Variants in TMED6 observed in about 807,000 individuals in gnomAD.
The protein encoded by TMED6 is transmembrane emp24 domain-containing protein 6.
Under a neutral mutation model 26.5 loss-of-function variants are expected in TMED6, and 17 were observed. The ratio of observed to expected loss-of-function variants is 0.64; its 90% CI spans 0.44 to 0.96. TMED6 has a LOEUF of 0.96. TMED6 is among the 40% of genes least tolerant of loss of function. The pLI is 0.00. For synonymous variants in TMED6, 107 were observed against 106.2 expected (o/e 1.01, Z -0.04); for missense variants, 309 against 296.5 (o/e 1.04, Z -0.31).
At chr16:69,350,896 T>C (rs958391108) in intron 1 of TMED6, among the ~76,000 whole-genome samples, 2 of 152,188 alleles carry the variant, frequency 1.3e-5, no homozygotes, top group Non-Finnish European at 2.9e-5. Context: ...AGTTAACCGA[T>C]TTCTAAGATA....
intron 3 of TMED6, among the ~76,000 whole-genome samples, chr16:69,346,604 A>G (rs1431176934): frequency 6.6e-6 from 1 of 152,112 alleles, no homozygotes; most frequent in Non-Finnish European, 1.5e-5. Context: ...TCTCTACTAA[A>G]AATGCAAAAA....
chr16:69,348,581 G>A (rs1249941290), intron 2 of TMED6, among the ~76,000 whole-genome samples: 1 of 151,990 alleles, frequency 6.6e-6, no homozygotes, highest in Admixed American at 6.6e-5. Flanking sequence ...CAAAATGATT[G>A]GAAGGCACTA....
rs2012773622 is a variant in TMED6, at chr16:69,351,416, A to T, written c.213+125T>A. On this transcript the variant is annotated intron_variant, in intron 1 of 3. Coordinates refer to ENST00000288025, the MANE Select transcript of TMED6 (RefSeq NM_144676.4). Reference sequence around the variant, plus strand: ...TTCCCTCTAACTGCAGGTCCATTTCATTAACAGGTGGGGAATCACAGCATA... The same window carrying T: ...TTCCCTCTAACTGCAGGTCCATTTCTTTAACAGGTGGGGAATCACAGCATA... 3.5e-6 allele frequency: 3 copies of T among 846,756 alleles called. No homozygotes were observed. In the South Asian group the frequency reaches 5.2e-5, roughly 15 times the overall value. The allele number at this position is 846,756 out of a possible 1,614,324, so 52.5% of individuals were successfully genotyped here.
intron 3 of TMED6, among the ~76,000 whole-genome samples, chr16:69,346,471 A>C (rs1279583438): frequency 2.0e-5 from 3 of 152,198 alleles, no homozygotes; most frequent in African/African-American, 7.2e-5. Flanking sequence ...TAAATTAAAG[A>C]AGCCAGTCTT....
rs372075261 is a variant in TMED6 at position 69,351,536 on chromosome 16, C to T, written c.213+5G>A. On this transcript the variant is annotated splice_donor_5th_base_variant and intron_variant, in intron 1 of 3. Coordinates refer to ENST00000288025, the MANE Select transcript of TMED6 (RefSeq NM_144676.4). The stretch of plus-strand genomic sequence containing the variant: ...GCCCCCCAGTATGGCCAGTCACCCA[C>T]ATACCTCGTAACTGAAATAGAAGTA... 414 of 1,613,890 alleles carry T rather than the reference C, an allele frequency of 2.6e-4. No individual in the cohort carries two copies. Among genetic ancestry groups the T allele is most frequent in the Non-Finnish European group, 3.1e-4 (367 of 1,179,830 alleles).
chr16:69,346,473 G>A (rs187085153), intron 3 of TMED6, among the ~76,000 whole-genome samples: 1 of 152,270 alleles, frequency 6.6e-6, no homozygotes, highest in East Asian at 1.9e-4. Context: ...AATTAAAGAA[G>A]CCAGTCTTGG....
At chr16:69,348,015 T>C in intron 2 of TMED6, 79 bp from the exon 3 acceptor site, 3 of 1,491,846 alleles carry the variant, frequency 2.0e-6, no homozygotes, top group Non-Finnish European at 2.7e-6. Flanking sequence ...ATCTGTCCTC[T>C]AGTTTTGGAA....
intron 2 of TMED6, chr16:69,348,180 C>T (rs979716405): frequency 8.3e-6 from 3 of 361,062 alleles, no homozygotes; most frequent in African/African-American, 4.1e-5. Context: ...TAGTGGCAAA[C>T]AATGTTTTCT....
chr16:69,349,635 C>G lies in TMED6; in HGVS notation c.230G>C (p.Gly77Ala). The G allele has an allele frequency of 1.2e-6, 2 of 1,613,730 alleles. No homozygotes were observed. The highest frequency in any genetic ancestry group is 1.7e-6 in the Non-Finnish European group (2 of 1,179,782). ...YFSYEVQRTVGMSHDRHVAAT... is the reference protein window; with the variant it reads ...YFSYEVQRTVAMSHDRHVAAT... ...AGCAACATGCCGGTCATGTGACATC[C>G]CCACTGTCCGCTGAACCTGCCAAGA... is the stretch of plus-strand genomic sequence containing the variant. Residue 77 changes from glycine (G) to alanine (A), a missense_variant, in exon 2 of 4, where the codon GGG becomes GCG. Gly to Ala is a moderately conservative substitution (Grantham distance 60). Coordinates refer to ENST00000288025, the MANE Select transcript of TMED6 (RefSeq NM_144676.4).
chr16:69,351,207 A>G (rs1452500176), intron 1 of TMED6, among the ~76,000 whole-genome samples: 1 of 152,090 alleles, frequency 6.6e-6, no homozygotes, highest in Non-Finnish European at 1.5e-5. Flanking sequence ...CCATTATCCA[A>G]TTTTGTTTTA....
chr16:69,350,547 G>A (rs1331404693), intron 1 of TMED6, among the ~76,000 whole-genome samples: 1 of 152,102 alleles, frequency 6.6e-6, no homozygotes, highest in Admixed American at 6.5e-5. Flanking sequence ...TGATCCGCCT[G>A]CCTCAGCCTC....
intron 2 of TMED6, 87 bp downstream of exon 2, chr16:69,349,438 T>TA (rs1318803298): frequency 2.0e-6 from 3 of 1,482,360 alleles, no homozygotes; most frequent in Non-Finnish European, 2.7e-6. Flanking sequence ...TTCCTACTGT[T>TA]AAAACATCTC....
In TMED6 at chr16:69,349,792, G is replaced by A; in HGVS notation, c.214-141C>T. ...ACTGCCCAACCCCCTGCTGGGGTTT[G>A]GAGTTGATTGGAGGATTCTGAGGTA... On this transcript the variant is annotated intron_variant, in intron 1 of 3. Transcript: ENST00000288025. The A allele has an allele frequency of 5.2e-6, 5 of 958,230 alleles. No individual in the cohort carries two copies. In the South Asian group the frequency reaches 8.1e-5, roughly 15 times the overall value. 59.4% of individuals were successfully genotyped at this position (958,230 alleles called of 1,614,324 possible).
At chr16:69,347,118 G>A (rs2142681168) in intron 3 of TMED6, among the ~76,000 whole-genome samples, 1 of 152,264 alleles carries the variant, frequency 6.6e-6, no homozygotes, top group South Asian at 2.1e-4. Context: ...AATGGAGAAT[G>A]ACTAATGGGG....
chr16:69,349,440 A>C (rs1567438018), intron 2 of TMED6, 85 bp downstream of exon 2: 1 of 1,489,496 alleles, frequency 6.7e-7, no homozygotes, highest in Non-Finnish European at 9.0e-7. Context: ...CCTACTGTTA[A>C]AACATCTCTG....
intron 2 of TMED6, 102 bp downstream of exon 2, chr16:69,349,423 T>A (rs903981424): frequency 1.5e-4 from 216 of 1,416,376 alleles, no homozygotes; most frequent in Non-Finnish European, 2.0e-4. Context: ...AAAGGCTGAA[T>A]TTTTTTCCTA....
intron 1 of TMED6, among the ~76,000 whole-genome samples, chr16:69,350,395 G>A (rs2012757623): frequency 6.6e-6 from 1 of 151,708 alleles, no homozygotes. Flanking sequence ...CACCTCCCAG[G>A]TTCAAGCGAT....
At chr16:69,346,387 AAG>A (rs900242515) in intron 3 of TMED6, among the ~76,000 whole-genome samples, 1 of 152,380 alleles carries the variant, frequency 6.6e-6, no homozygotes, top group South Asian at 2.1e-4. Flanking sequence ...GTATCCATAA[AAG>A]AGAGTATTAT....
intron 1 of TMED6, 115 bp downstream of exon 1, chr16:69,351,426 G>C (rs2012773876): frequency 7.7e-6 from 7 of 909,086 alleles, no homozygotes; most frequent in Non-Finnish European, 1.0e-5. Context: ...ATTAACAGGT[G>C]GGGAATCACA....
Sources: allele counts gnomAD v4.1 joint callset (sites outside exome capture counted in the v4.1 genomes callset), GRCh38; gene constraint gnomAD v4.1.1; transcripts MANE v1.5; gene names NCBI Gene and HGNC (gene_info 2026-07-23, HGNC 2026-07-21).